NETO2: variants seen among roughly 807,000 people sequenced by gnomAD.
The protein encoded by NETO2 is neuropilin and tolloid-like protein 2.
NETO2 carries 28 observed loss-of-function variants against 62.5 expected under a neutral mutation model. The ratio of observed to expected loss-of-function variants is 0.45; its 90% CI spans 0.33 to 0.61. The LOEUF (loss-of-function observed/expected upper bound fraction) is 0.61, where lower values mean the gene tolerates loss of function less well. Ranked by LOEUF, NETO2 falls within the 20% of genes least tolerant of loss-of-function variation. NETO2 has a pLI of 0.02. For missense variants in NETO2, 548 were observed against 643.2 expected (o/e 0.85, Z 1.60); for synonymous variants, 214 against 219.1 (o/e 0.98, Z 0.21).
At chr16:47,106,782 ATTT>A (rs200326857) in intron 7 of NETO2, among the ~76,000 whole-genome samples, 2 of 144,768 alleles carry the variant, frequency 1.4e-5, no homozygotes. Context: ...CCAGGATATA[ATTT>A]TTTTTTTTTT....
Position 47,083,220 on chromosome 16 carries a change from A to C in NETO2, c.*1T>G, listed in dbSNP as rs369784246. 1.2e-5 allele frequency: 19 copies of C among 1,603,550 alleles called. No homozygotes were observed. The highest frequency in any genetic ancestry group is 1.6e-5 in the Non-Finnish European group (19 of 1,174,074). Reference sequence around the variant, plus strand: ...GAATTCACATCACCATTAGCAGAAGATTAGAAGTCAATGGATATGGATGCT... The same window carrying C: ...GAATTCACATCACCATTAGCAGAAGCTTAGAAGTCAATGGATATGGATGCT... On this transcript the variant is annotated 3_prime_UTR_variant, in exon 9 of 9. Coordinates refer to ENST00000562435, the MANE Select transcript of NETO2 (RefSeq NM_018092.5).
chr16:47,129,163 C>T (rs1226834830), intron 3 of NETO2, 61 bp downstream of exon 3: 6 of 1,510,764 alleles, frequency 4.0e-6, no homozygotes, highest in African/African-American at 1.4e-5. Context: ...GTCATTTTAC[C>T]AACATATTTA....
chr16:47,098,458 C>T (rs796964456), intron 7 of NETO2, among the ~76,000 whole-genome samples: 4 of 151,880 alleles, frequency 2.6e-5, no homozygotes, highest in Non-Finnish European at 5.9e-5. Context: ...TGAAATAAAG[C>T]GGGAAGACAA....
At chr16:47,109,053 C>G (rs138128021) in intron 7 of NETO2, among the ~76,000 whole-genome samples, 1 of 152,304 alleles carries the variant, frequency 6.6e-6, no homozygotes, top group African/African-American at 2.4e-5. Flanking sequence ...TTTGTTTACA[C>G]CTTTATAATG....
rs753854136 is a variant in NETO2, at chr16:47,128,447, C to T, written c.359G>A (p.Arg120His). 30 of 1,613,954 alleles carry T rather than the reference C, an allele frequency of 1.9e-5. No individual in the cohort carries two copies. The highest frequency in any genetic ancestry group is 2.5e-5 in the Non-Finnish European group (30 of 1,179,996). ...TGGAGGGCTTTTCACGCCACAGTAA[C>T]GATCTATAAGAGGAGAGAAACCAAA... Reference protein sequence around the residue: ...GPFGFSPLIDRYCGVKSPPLI... With the variant: ...GPFGFSPLIDHYCGVKSPPLI... The change falls in exon 4 of 9, where the codon CGT becomes CAT. Residue 120 changes from arginine to histidine, a missense_variant. By Grantham distance (29) the Arg-to-His change is conservative. Coordinates refer to ENST00000562435, the MANE Select transcript of NETO2 (RefSeq NM_018092.5).
At chr16:47,112,687 T>C (rs1005757309) in intron 6 of NETO2, among the ~76,000 whole-genome samples, 2 of 152,240 alleles carry the variant, frequency 1.3e-5, no homozygotes, top group Non-Finnish European at 1.5e-5. Context: ...ATTCAAATTT[T>C]AAAATTTGAT....
chr16:47,116,146 T>TG (rs1008664017), intron 6 of NETO2, among the ~76,000 whole-genome samples: 8 of 151,400 alleles, frequency 5.3e-5, no homozygotes, highest in African/African-American at 1.9e-4. Flanking sequence ...TTTTCTGTTT[T>TG]TTTTTTTTTT....
intron 6 of NETO2, 85 bp from the exon 7 acceptor site, chr16:47,109,796 G>T: frequency 1.2e-6 from 1 of 856,054 alleles, no homozygotes. Context: ...GACAACATGG[G>T]ACACCGAATG....
At chr16:47,141,006 C>A (rs1160626781) in intron 1 of NETO2, among the ~76,000 whole-genome samples, 2 of 152,096 alleles carry the variant, frequency 1.3e-5, no homozygotes, top group African/African-American at 4.8e-5. Flanking sequence ...AAGATTAACT[C>A]GAATTCTGTG....
intron 7 of NETO2, among the ~76,000 whole-genome samples, chr16:47,093,865 T>G (rs1963368154): frequency 6.6e-6 from 1 of 152,246 alleles, no homozygotes; most frequent in African/African-American, 2.4e-5. Context: ...TTACAAACTC[T>G]GTATTTGCAC....
chr16:47,103,236 A>G (rs938227238), intron 7 of NETO2, among the ~76,000 whole-genome samples: 3 of 152,174 alleles, frequency 2.0e-5, no homozygotes, highest in African/African-American at 7.2e-5. Flanking sequence ...TGGGAGCTGA[A>G]ATATAAGAAC....
chr16:47,110,016 C>G (rs1963759008), intron 6 of NETO2, among the ~76,000 whole-genome samples: 1 of 152,148 alleles, frequency 6.6e-6, no homozygotes, highest in African/African-American at 2.4e-5. Flanking sequence ...TCTCATGGTA[C>G]TGGACAGGGG....
At position 47,079,799 on chromosome 16, in the gene NETO2, T is replaced by G. The variant is rs1384482585; in HGVS notation, c.*3422A>C. The G allele has an allele frequency of 6.6e-6, 1 of 152,226 alleles. No homozygotes were observed. Among genetic ancestry groups the G allele is most frequent in the Non-Finnish European group, 1.5e-5 (1 of 68,038 alleles). The allele number at this position is 152,226 out of a possible 1,614,324, so 9.4% of individuals were successfully genotyped here. ...TTTAATGTCATATAATTCATGTCAC[T>G]TGCAATAAAGTGACATGAACAATAT... On this transcript the variant is annotated 3_prime_UTR_variant, in exon 9 of 9. Transcript: ENST00000562435.
In NETO2 at chr16:47,104,434, C is replaced by G. The variant is rs569169313; in HGVS notation, c.883+5049G>C. Among the ~76,000 whole-genome samples, 110 of 152,272 alleles carry G rather than the reference C, an allele frequency of 7.2e-4. No individual in the cohort carries two copies. The South Asian group carries it at 9.9e-3, about 14-fold the overall frequency. On this transcript the variant is annotated intron_variant, in intron 7 of 8. Coordinates refer to ENST00000562435, the MANE Select transcript of NETO2 (RefSeq NM_018092.5). ...TGTTCATGAATGGGAAGACTTCATA[C>G]AGTTAAGATGACAATATTACTCAAA...
intron 2 of NETO2, among the ~76,000 whole-genome samples, chr16:47,130,488 C>T (rs1315171397): frequency 6.6e-6 from 1 of 151,454 alleles, no homozygotes; most frequent in East Asian, 1.9e-4. Flanking sequence ...AGAAAAGCAA[C>T]TCTGAGGAGA....
At chr16:47,103,093 T>C (rs969345670) in intron 7 of NETO2, among the ~76,000 whole-genome samples, 3 of 152,126 alleles carry the variant, frequency 2.0e-5, no homozygotes, top group African/African-American at 4.8e-5. Flanking sequence ...ATATATACCA[T>C]GGAATACTAT....
At chr16:47,125,515 G>C (rs1216475612) in intron 4 of NETO2, among the ~76,000 whole-genome samples, 2 of 151,816 alleles carry the variant, frequency 1.3e-5, no homozygotes. Context: ...CCAGCTAACT[G>C]TCGTATTTTT....
At chr16:47,135,075 C>G (rs1224924511) in intron 1 of NETO2, among the ~76,000 whole-genome samples, 2 of 152,178 alleles carry the variant, frequency 1.3e-5, no homozygotes, top group Non-Finnish European at 2.9e-5. Flanking sequence ...GAAAGATGTA[C>G]TGATACAGTT....
chr16:47,121,806 T>C (rs1234756835), intron 6 of NETO2, among the ~76,000 whole-genome samples: 2 of 152,222 alleles, frequency 1.3e-5, no homozygotes. Flanking sequence ...TTTCAGTTTA[T>C]TAATCTACAG....
Sources: gnomAD v4.1 joint callset for allele counts (sites outside exome capture counted in the v4.1 genomes callset) on GRCh38, gnomAD v4.1.1 for gene constraint, MANE v1.5 for transcripts, NCBI Gene and HGNC (gene_info 2026-07-23, HGNC 2026-07-21) for gene names.